Variants in AFMID observed in about 807,000 individuals in gnomAD.
AFMID encodes arylformamidase, also known as kynurenine formamidase.
AFMID carries 39 observed loss-of-function variants against 47.5 expected under a neutral mutation model. The ratio of observed to expected loss-of-function variants is 0.82; its 90% CI spans 0.64 to 1.07. The LOEUF is 1.07. AFMID is among the 50% of genes least tolerant of loss of function. AFMID has a pLI of 0.00. For missense variants in AFMID, 375 were observed against 387.5 expected (o/e 0.97, Z 0.27); for synonymous variants, 130 against 153.2 (o/e 0.85, Z 1.12).
chr17:78,187,413 T>G lies in AFMID; in HGVS notation c.43T>G (p.Trp15Gly). 1 of 1,613,932 alleles carries G rather than the reference T, an allele frequency of 6.2e-7. No individual in the cohort carries two copies. Among genetic ancestry groups the G allele is most frequent in the Non-Finnish European group, 8.5e-7 (1 of 1,179,950 alleles). The part of the protein sequence containing the change: ...SGVGFPSKVP[W>G]KKMSAEELEN... Reference sequence around the variant, plus strand: ...TGTGGGTTTCCCAAGCAAGGTTCCTTGGAAGAAGATGTCTGCAGAGGTAGG... The same window carrying G: ...TGTGGGTTTCCCAAGCAAGGTTCCTGGGAAGAAGATGTCTGCAGAGGTAGG... The change falls in exon 1 of 11, where the codon TGG becomes GGG. Residue 15 changes from tryptophan to glycine, a missense_variant. Transcript: ENST00000409257.
Position 78,194,387 on chromosome 17 carries a change from G to A in AFMID, c.154+3327G>A, listed in dbSNP as rs554350980. Among the ~76,000 whole-genome samples, 15 of 152,286 alleles carry A rather than the reference G, an allele frequency of 9.8e-5. No homozygotes were observed. The South Asian group carries it at 1.7e-3, about 17-fold the overall frequency. ...TGATCTGCTCGCCTCCCAAAGTGCT[G>A]GGATTATAGGCGTGAGCCACACTTT... On this transcript the variant is annotated intron_variant, in intron 2 of 10. Transcript: ENST00000409257.
chr17:78,202,453 A>G, intron 2 of AFMID, 46 bp from the exon 3 acceptor site: 2 of 1,572,486 alleles, frequency 1.3e-6, no homozygotes, highest in Non-Finnish European at 1.7e-6. Flanking sequence ...AAAAATTTCT[A>G]CCACCTGAGC....
At chr17:78,189,709 A>G (rs1452709106) in intron 1 of AFMID, among the ~76,000 whole-genome samples, 1 of 141,776 alleles carries the variant, frequency 7.1e-6, no homozygotes, top group Non-Finnish European at 1.6e-5. Context: ...TCGTAGAGAT[A>G]GTGTTTCGCC....
intron 2 of AFMID, chr17:78,197,441 G>GT: frequency 2.2e-6 from 1 of 462,130 alleles, no homozygotes; most frequent in Non-Finnish European, 3.8e-6. Flanking sequence ...ATGGCTTTCA[G>GT]CAAAGGATTG....
chr17:78,204,518 G>A (rs2076325408), intron 4 of AFMID, 138 bp from the exon 5 acceptor site: 3 of 790,040 alleles, frequency 3.8e-6, no homozygotes, highest in South Asian at 1.5e-5. Flanking sequence ...GAGCCTGTCC[G>A]CTTCACTCTC....
At chr17:78,199,405 T>C (rs1382128896) in intron 2 of AFMID, among the ~76,000 whole-genome samples, 1 of 150,504 alleles carries the variant, frequency 6.6e-6, no homozygotes, top group Non-Finnish European at 1.5e-5. Flanking sequence ...TGAGACAGTC[T>C]TGCTCTATTG....
At chr17:78,189,782 A>C (rs2075911262) in intron 1 of AFMID, among the ~76,000 whole-genome samples, 1 of 150,646 alleles carries the variant, frequency 6.6e-6, no homozygotes, top group African/African-American at 2.4e-5. Context: ...GGCCTCCCAA[A>C]GTGCTGGGAT....
At chr17:78,201,830 A>C (rs535902991) in intron 2 of AFMID, among the ~76,000 whole-genome samples, 27 of 151,562 alleles carry the variant, frequency 1.8e-4, no homozygotes, top group African/African-American at 5.3e-4. Flanking sequence ...TCCCGGATTC[A>C]CGCCATTCTC....
chr17:78,205,312 C>G, intron 7 of AFMID, 122 bp downstream of exon 7: 1 of 1,423,380 alleles, frequency 7.0e-7, no homozygotes, highest in Non-Finnish European at 9.8e-7. Flanking sequence ...TTCGAGCCCT[C>G]TGAGCAAGGC....
At chr17:78,197,544 A>T in intron 2 of AFMID, 1 of 236,020 alleles carries the variant, frequency 4.2e-6, no homozygotes, top group South Asian at 7.4e-5. Flanking sequence ...GAGAAAATAA[A>T]ATTTCCATTA....
At chr17:78,191,764 A>G (rs1182300110) in intron 2 of AFMID, among the ~76,000 whole-genome samples, 2 of 146,138 alleles carry the variant, frequency 1.4e-5, no homozygotes, top group African/African-American at 5.1e-5. Flanking sequence ...ATCTCAGCTC[A>G]CTGCAACCTC....
chr17:78,195,439 C>T (rs1291700606), intron 2 of AFMID, among the ~76,000 whole-genome samples: 1 of 151,692 alleles, frequency 6.6e-6, no homozygotes, highest in Non-Finnish European at 1.5e-5. Flanking sequence ...AGGTGATCCG[C>T]CTGCCTCGAC....
At chr17:78,193,243 C>T (rs556445519) in intron 2 of AFMID, among the ~76,000 whole-genome samples, 2 of 151,744 alleles carry the variant, frequency 1.3e-5, no homozygotes, top group South Asian at 4.2e-4. Context: ...TGGTGGCGGG[C>T]GCCTCTAGTC....
intron 2 of AFMID, among the ~76,000 whole-genome samples, chr17:78,193,398 A>AT (rs1567844660): frequency 6.4e-5 from 9 of 140,280 alleles, no homozygotes; most frequent in East Asian, 4.4e-4. Context: ...AAAAAAAAAA[A>AT]GCTGTAAGCA....
At chr17:78,204,448 C>G (rs996121388) in intron 4 of AFMID, among the ~76,000 whole-genome samples, 9 of 152,142 alleles carry the variant, frequency 5.9e-5, no homozygotes, top group African/African-American at 2.2e-4. Context: ...GCTTAGAAAA[C>G]AAAAAGTTAC....
rs2076356027 is a variant in AFMID, at chr17:78,205,516, C to G, written c.642C>G (p.Thr214=). 2 of 1,614,176 alleles carry G rather than the reference C, an allele frequency of 1.2e-6. No homozygotes were observed. Among genetic ancestry groups the G allele is most frequent in the Non-Finnish European group, 8.5e-7 (1 of 1,180,000 alleles). Residue 214 remains threonine, a splice_region_variant and synonymous_variant, in exon 8 of 11, where the codon ACC becomes ACG. Transcript: ENST00000409257. Reference sequence around the variant, plus strand: ...CACAGAACGTTGCTCTCCAGCTGACCCTGTGAGTTACTTGGCCACCACCTC... The same window carrying G: ...CACAGAACGTTGCTCTCCAGCTGACGCTGTGAGTTACTTGGCCACCACCTC... ...YTSQNVALQL[T]LEDAQRNSPQ...
chr17:78,202,857 C>A, intron 4 of AFMID, 106 bp downstream of exon 4: 1 of 1,335,492 alleles, frequency 7.5e-7, no homozygotes, highest in Non-Finnish European at 1.0e-6. Flanking sequence ...CTGGGCACTC[C>A]TTGCAGGGCT....
chr17:78,203,022 C>G (rs1437796632), intron 4 of AFMID: 5 of 420,060 alleles, frequency 1.2e-5, no homozygotes, highest in Non-Finnish European at 2.1e-5. Context: ...CACATGTGAT[C>G]CTGGTGTTCC....
At chr17:78,205,797 C>T (rs201930649) in intron 9 of AFMID, 59 bp downstream of exon 9, 22 of 1,601,492 alleles carry the variant, frequency 1.4e-5, no homozygotes, top group Non-Finnish European at 1.9e-5. Flanking sequence ...CATTATTTTC[C>T]TCTTTCTTTT....
Sources: gnomAD v4.1 joint callset for allele counts (sites outside exome capture counted in the v4.1 genomes callset) on GRCh38, gnomAD v4.1.1 for gene constraint, MANE v1.5 for transcripts, NCBI Gene and HGNC (gene_info 2026-07-23, HGNC 2026-07-21) for gene names.